Variants in WDR33 observed in about 807,000 individuals in gnomAD.
The protein encoded by WDR33 is pre-mRNA 3' end processing protein WDR33.
A neutral mutation model predicts 164.9 loss-of-function variants in WDR33; 47 were observed. The ratio of observed to expected loss-of-function variants is 0.29; its 90% CI spans 0.23 to 0.36. WDR33 has a LOEUF of 0.36. WDR33 is among the 10% of genes least tolerant of loss of function. The probability of loss-of-function intolerance (pLI) is 1.00; values close to 1 mark genes in which losing one functional copy is unlikely to be tolerated. For synonymous variants in WDR33, 505 were observed against 589.0 expected, an observed-to-expected ratio of 0.86 and a Z score of 2.06; for missense variants, 1,137 against 1,754.1, an observed-to-expected ratio of 0.65 and a Z score of 6.28.
At chr2:127,759,520 G>T (rs151030594) in intron 7 of WDR33, among the ~76,000 whole-genome samples, 22,129 of 151,786 alleles carry the variant, frequency 0.15, 1,834 homozygotes, top group Middle Eastern at 0.23. Context: ...GTGAAACTCT[G>T]TCTCTACTAA....
chr2:127,723,069 C>T lies in WDR33; in HGVS notation c.1292-25G>A, dbSNP rs765970311. On this transcript the variant is annotated intron_variant, in intron 12 of 21. Transcript: ENST00000322313. The surrounding 1 kb of genome is among the most constrained non-coding windows in gnomAD (Gnocchi z 5.9). ...TCTATAAATAGTAATACACCATTGT[C>T]AATAGAGAATTTACAAAAGTAGCGA... is the stretch of plus-strand genomic sequence containing the variant. 3.8e-6 allele frequency: 6 copies of T among 1,567,294 alleles called. No individual in the cohort carries two copies. The highest frequency in any genetic ancestry group is 5.2e-6 in the Non-Finnish European group (6 of 1,156,806).
Position 127,720,237 on chromosome 2 carries a change from C to G in WDR33, c.1788G>C (p.Gln596His). 1 of 1,590,782 alleles carries G rather than the reference C, an allele frequency of 6.3e-7. No homozygotes were observed. Among genetic ancestry groups the G allele is most frequent in the Non-Finnish European group, 8.6e-7 (1 of 1,167,880 alleles). Reference protein sequence around the residue: ...QPFPGQGPMSQIPQGFQQPHP... With the variant: ...QPFPGQGPMSHIPQGFQQPHP... Reference sequence around the variant, plus strand: ...GGGGCTGTTGAAAACCTTGAGGAATCTGAGACATTGGACCTTGTCCTGGAA... The same window carrying G: ...GGGGCTGTTGAAAACCTTGAGGAATGTGAGACATTGGACCTTGTCCTGGAA... Residue 596 changes from glutamine to histidine, a missense_variant, in exon 16 of 22, where the codon CAG becomes CAC. Coordinates refer to ENST00000322313, the MANE Select transcript of WDR33 (RefSeq NM_018383.5). This position sits in a 1 kb window ranked among gnomAD's most constrained non-coding sequence, Gnocchi z 5.9.
Position 127,723,854 on chromosome 2 carries a change from A to C in WDR33, c.1196+479T>G, listed in dbSNP as rs941483430. Among the ~76,000 whole-genome samples the C allele has an allele frequency of 2.0e-5, 3 of 152,112 alleles. No homozygotes were observed. Among genetic ancestry groups the C allele is most frequent in the African/African-American group, 7.2e-5 (3 of 41,420 alleles). ...CACCTTGGGAGGCTGAGGCAGGAGGATTGCCTAAGCCCAGGAGTTTGACAT... is the reference window on the plus strand; with the variant it reads ...CACCTTGGGAGGCTGAGGCAGGAGGCTTGCCTAAGCCCAGGAGTTTGACAT... On this transcript the variant is annotated intron_variant, in intron 11 of 21. Coordinates refer to ENST00000322313, the MANE Select transcript of WDR33 (RefSeq NM_018383.5). This position sits in a 1 kb window ranked among gnomAD's most constrained non-coding sequence, Gnocchi z 5.9.
intron 7 of WDR33, among the ~76,000 whole-genome samples, chr2:127,731,226 C>T (rs1169281433): frequency 1.5e-5 from 2 of 133,596 alleles, no homozygotes; most frequent in East Asian, 2.4e-4. Context: ...CCCAGGGAGG[C>T]GGAGGTTGCA....
intron 7 of WDR33, among the ~76,000 whole-genome samples, chr2:127,728,827 A>G (rs1301382686): frequency 6.6e-6 from 1 of 152,192 alleles, no homozygotes; most frequent in Non-Finnish European, 1.5e-5. Context: ...TGAAAAGTTC[A>G]TATTCTTAAC....
rs1280702910 is a variant in WDR33, at chr2:127,724,341, G to A, written c.1188C>T (p.Asp396=). The part of the protein sequence containing the change: ...LGHILCSGSN[D]HTSKFWTRNR... ...TTCAATATAAAGCTTACCTAGTATG[G>A]TCATTTGAGCCTGAGCAGAGAATAT... Residue 396 remains aspartate, a synonymous_variant, in exon 11 of 22, where the codon GAC becomes GAT. Transcript: ENST00000322313. This position sits in a 1 kb window ranked among gnomAD's most constrained non-coding sequence, Gnocchi z 4.8. The A allele has an allele frequency of 5.6e-6, 9 of 1,613,730 alleles. No homozygotes were observed. Among genetic ancestry groups the A allele is most frequent in the Non-Finnish European group, 6.8e-6 (8 of 1,179,750 alleles).
intron 1 of WDR33, 55 bp from the exon 2 acceptor site, chr2:127,771,059 G>T: frequency 7.5e-7 from 1 of 1,329,688 alleles, no homozygotes; most frequent in Non-Finnish European, 1.0e-6. Flanking sequence ...AACACTGCCT[G>T]AAAACATTTT....
intron 1 of WDR33, among the ~76,000 whole-genome samples, chr2:127,781,960 T>C (rs1688385279): frequency 7.0e-6 from 1 of 142,648 alleles, no homozygotes; most frequent in South Asian, 2.2e-4. Context: ...ATTGCGCCAT[T>C]GCACTCCAGC....
rs1236265396 is a variant in WDR33, at chr2:127,701,723, G to A, written c.*4600C>T. ...CTGCGGAGTCGGCAGCGGCCGGCCT[G>A]ACGTGCCTCCCGAGCGTGACGCGCG... is the stretch of plus-strand genomic sequence containing the variant. On this transcript the variant is annotated 3_prime_UTR_variant, in exon 22 of 22. Transcript: ENST00000322313. 7.3e-7 allele frequency: 1 copy of A among 1,377,826 alleles called. No homozygotes were observed. The highest frequency in any genetic ancestry group is 9.4e-7 in the Non-Finnish European group (1 of 1,066,900). The allele number at this position is 1,377,826 out of a possible 1,614,324, so 85.4% of individuals were successfully genotyped here.
chr2:127,742,157 G>C (rs183388162), intron 7 of WDR33, among the ~76,000 whole-genome samples: 116 of 152,060 alleles, frequency 7.6e-4, no homozygotes, highest in African/African-American at 2.5e-3. Context: ...AGGTTGCAGT[G>C]AGCTGAGATC....
intron 7 of WDR33, among the ~76,000 whole-genome samples, chr2:127,727,759 C>G (rs892915786): frequency 3.9e-5 from 6 of 152,124 alleles, no homozygotes; most frequent in Non-Finnish European, 7.3e-5. Flanking sequence ...AACAAATAAA[C>G]TAAGAAGCAG....
Position 127,711,772 on chromosome 2 carries a change from A to ATTTTTTTTTT in WDR33, c.3308+1810_3308+1811insAAAAAAAAAA, listed in dbSNP as rs1419760091. Reference sequence around the variant, plus strand: ...TACAGATATATATATATATATATATATATATATATTTTTTTTTTGAGACAG... The same window carrying ATTTTTTTTTT: ...TACAGATATATATATATATATATATATTTTTTTTTTTATATATATTTTTTTTTTGAGACAG... On this transcript the variant is annotated intron_variant, in intron 18 of 21. Transcript: ENST00000322313. 1.2e-3 allele frequency among the ~76,000 whole-genome samples: 109 copies of ATTTTTTTTTT among 87,704 alleles called. 8 individuals carry two copies. The highest frequency in any genetic ancestry group is 4.9e-3 in the African/African-American group (80 of 16,256). 57.5% of individuals were successfully genotyped at this position (87,704 alleles called of 152,430 possible).
In WDR33 at chr2:127,702,303, C is replaced by A; in HGVS notation, c.*4020G>T. On this transcript the variant is annotated 3_prime_UTR_variant, in exon 22 of 22. Transcript: ENST00000322313. ...GCGAAGGCCCTGCCCTAACAGCCTG[C>A]GAGTCTAATCCGGGAGCGGCTGCTG... 1 of 985,120 alleles carries A rather than the reference C, an allele frequency of 1.0e-6. No homozygotes were observed. The highest frequency in any genetic ancestry group is 1.3e-6 in the Non-Finnish European group (1 of 775,148). The allele number at this position is 985,120 out of a possible 1,614,324, so 61.0% of individuals were successfully genotyped here.
chr2:127,701,372 A>C lies in WDR33; in HGVS notation c.*4951T>G, dbSNP rs1024794711. On this transcript the variant is annotated 3_prime_UTR_variant, in exon 22 of 22. Transcript: ENST00000322313. ...CGACCACGGTACTTGGGGACACCAC[A>C]AAAGTCCGCAGAGCAGGCACCGCGG... 2 of 678,244 alleles carry C rather than the reference A, an allele frequency of 2.9e-6. No individual in the cohort carries two copies. Among genetic ancestry groups the C allele is most frequent in the Admixed American group, 4.5e-5 (1 of 22,312 alleles). The allele number at this position is 678,244 out of a possible 1,614,324, so 42.0% of individuals were successfully genotyped here. A position where few individuals can be genotyped will look rare whatever the true frequency, so the allele number is the denominator to read the frequency against.
rs1173465311 is a variant in WDR33, at chr2:127,721,738, G to A, written c.1671+98C>T. On this transcript the variant is annotated intron_variant, in intron 15 of 21. Coordinates refer to ENST00000322313, the MANE Select transcript of WDR33 (RefSeq NM_018383.5). The surrounding 1 kb of genome is among the most constrained non-coding windows in gnomAD (Gnocchi z 4.9). ...AAATGGCGGTGTTTGTCAGACCATG[G>A]GAGAGCCCCTTCCCTTTTCCTTAAG... 6 of 1,303,104 alleles carry A rather than the reference G, an allele frequency of 4.6e-6. No individual in the cohort carries two copies. The highest frequency in any genetic ancestry group is 5.2e-6 in the Non-Finnish European group (5 of 963,170). 80.7% of individuals were successfully genotyped at this position (1,303,104 alleles called of 1,614,324 possible).
intron 7 of WDR33, among the ~76,000 whole-genome samples, chr2:127,731,317 A>AAAAC (rs1553473221): frequency 3.8e-4 from 54 of 143,882 alleles, no homozygotes; most frequent in African/African-American, 1.5e-3. Context: ...AAAAAAAAAA[A>AAAAC]ACACAGAAAA....
intron 1 of WDR33, among the ~76,000 whole-genome samples, chr2:127,792,100 G>C (rs911036213): frequency 2.6e-5 from 4 of 151,644 alleles, no homozygotes; most frequent in Admixed American, 6.6e-5. Context: ...CACCACGCCC[G>C]GCTAATTTTT....
In WDR33 at chr2:127,721,637, T is replaced by C. The variant is rs1341763920; in HGVS notation, c.1671+199A>G. 6.6e-6 allele frequency among the ~76,000 whole-genome samples: 1 copy of C among 152,042 alleles called. No individual in the cohort carries two copies. Among genetic ancestry groups the C allele is most frequent in the African/African-American group, 2.4e-5 (1 of 41,392 alleles). On this transcript the variant is annotated intron_variant, in intron 15 of 21. Coordinates refer to ENST00000322313, the MANE Select transcript of WDR33 (RefSeq NM_018383.5). This position sits in a 1 kb window ranked among gnomAD's most constrained non-coding sequence, Gnocchi z 4.9. ...CTAAAATAAAATAAATAAAACAAAA[T>C]ACATAAATAACACATTTTAAAAAAT...
chr2:127,806,196 T>C (rs1689433797), intron 1 of WDR33, among the ~76,000 whole-genome samples: 1 of 149,836 alleles, frequency 6.7e-6, no homozygotes, highest in African/African-American at 2.5e-5. Context: ...ATCTCTTTAG[T>C]TGTTTTTCTT....
Sources: allele counts gnomAD v4.1 joint callset (sites outside exome capture counted in the v4.1 genomes callset), GRCh38; gene constraint gnomAD v4.1.1; non-coding constraint Gnocchi (gnomAD v3.1); transcripts MANE v1.5; gene names NCBI Gene and HGNC (gene_info 2026-07-23, HGNC 2026-07-21).